The following TNRC6A variants were observed in gnomAD, a reference collection of about 807,000 sequenced individuals.
TNRC6A encodes the protein trinucleotide repeat-containing gene 6A protein.
In TNRC6A, 44 loss-of-function variants were observed where a neutral mutation model predicts 221.2. The ratio of observed to expected loss-of-function variants is 0.20; its 90% CI spans 0.16 to 0.26. TNRC6A has a LOEUF of 0.26. Among genes scored for constraint, TNRC6A ranks in the 10% least tolerant of loss-of-function variants. The pLI is 1.00. For missense variants in TNRC6A, 2,199 were observed against 2,404.4 expected (o/e 0.91, Z 1.79); for synonymous variants, 847 against 838.5 (o/e 1.01, Z -0.18).
intron 2 of TNRC6A, among the ~76,000 whole-genome samples, chr16:24,692,292 C>T (rs956896911): frequency 6.6e-6 from 1 of 152,128 alleles, no homozygotes; most frequent in Non-Finnish European, 1.5e-5. Context: ...AAAGGGAGGC[C>T]GGGAGTGGTG....
intron 1 of TNRC6A, among the ~76,000 whole-genome samples, chr16:24,630,355 G>C (rs904830980): frequency 6.6e-6 from 1 of 152,032 alleles, no homozygotes; most frequent in African/African-American, 2.4e-5. Context: ...GCATCTGGAA[G>C]TGCTATCTTT....
chr16:24,787,275 T>A (rs575714498), intron 5 of TNRC6A, among the ~76,000 whole-genome samples: 1 of 152,354 alleles, frequency 6.6e-6, no homozygotes, highest in South Asian at 2.1e-4. Flanking sequence ...GACTTGAATC[T>A]TGGTGTTTCT....
At chr16:24,781,077 C>T (rs1310911452) in intron 5 of TNRC6A, among the ~76,000 whole-genome samples, 1 of 86,660 alleles carries the variant, frequency 1.2e-5, no homozygotes, top group Non-Finnish European at 1.9e-5. Context: ...TTGGAGGAGA[C>T]AGCGTCTTAC....
chr16:24,632,430 C>A (rs765167392), intron 1 of TNRC6A, among the ~76,000 whole-genome samples: 1 of 152,158 alleles, frequency 6.6e-6, no homozygotes, highest in African/African-American at 2.4e-5. Context: ...TGTCGCCACA[C>A]CCCACACACA....
chr16:24,620,025 C>T (rs1195875151), intron 1 of TNRC6A, among the ~76,000 whole-genome samples: 1 of 151,968 alleles, frequency 6.6e-6, no homozygotes, highest in Non-Finnish European at 1.5e-5. Context: ...ACCTGTAGTG[C>T]CAGCTTCTTG....
intron 2 of TNRC6A, among the ~76,000 whole-genome samples, chr16:24,685,321 T>C (rs554124844): frequency 1.3e-5 from 2 of 151,924 alleles, no homozygotes; most frequent in Admixed American, 6.6e-5. Context: ...TTACCCAAGG[T>C]CATATTGTAT....
At chr16:24,695,486 G>A (rs1469933389) in intron 2 of TNRC6A, among the ~76,000 whole-genome samples, 2 of 152,024 alleles carry the variant, frequency 1.3e-5, no homozygotes, top group African/African-American at 2.4e-5. Flanking sequence ...TGCAACCTCC[G>A]CCTCCTGGGT....
rs563040043 is a variant in TNRC6A at position 24,661,147 on chromosome 16, C to T, written n.402+20138C>T. Among the ~76,000 whole-genome samples, 15 of 152,018 alleles carry T rather than the reference C, an allele frequency of 9.9e-5. 1 individual carries two copies. In the South Asian group the frequency reaches 2.1e-3, roughly 21 times the overall value. On this transcript the variant is annotated intron_variant and non_coding_transcript_variant, in intron 2 of 2. Transcript: ENST00000566108. ...TTTGTTATGTGGATGAATTATGTAG[C>T]GATGAATTCTGAGATTTTAGTGCGC...
intron 2 of TNRC6A, among the ~76,000 whole-genome samples, chr16:24,731,343 C>G (rs1442029291): frequency 6.6e-6 from 1 of 152,118 alleles, no homozygotes; most frequent in Non-Finnish European, 1.5e-5. Flanking sequence ...ATATTTTGCA[C>G]CGCGTAGAAT....
intron 5 of TNRC6A, among the ~76,000 whole-genome samples, chr16:24,780,422 C>G (rs1276665554): frequency 2.0e-5 from 3 of 152,198 alleles, no homozygotes; most frequent in African/African-American, 7.2e-5. Flanking sequence ...ATTATCACCC[C>G]TAAGTAAAAG....
intron 21 of TNRC6A, 73 bp from the exon 22 acceptor site, chr16:24,820,066 G>T (rs926722226): frequency 4.4e-6 from 6 of 1,379,242 alleles, no homozygotes; most frequent in Admixed American, 1.8e-5. Context: ...TGGGAGAATG[G>T]ATGTCATTAT....
rs35502747 is a variant in TNRC6A at position 24,781,043 on chromosome 16, C to CTTTTTT, written c.589+3705_589+3710dup. On this transcript the variant is annotated intron_variant, in intron 5 of 24. Transcript: ENST00000395799. ...AAAAATTTTCTTAAGCCTCCATACT[C>CTTTTTT]TTTTTTTTTTTTTTTTTTTTTTTTT... Among the ~76,000 whole-genome samples, 80 of 53,414 alleles carry CTTTTTT rather than the reference C, an allele frequency of 1.5e-3. 3 individuals carry two copies. The highest frequency in any genetic ancestry group is 1.8e-3 in the South Asian group (2 of 1,082). The allele number at this position is 53,414 out of a possible 152,430, so 35.0% of individuals were successfully genotyped here.
intron 4 of TNRC6A, among the ~76,000 whole-genome samples, chr16:24,760,053 T>G (rs777102108): frequency 2.6e-5 from 4 of 152,190 alleles, no homozygotes; most frequent in Non-Finnish European, 4.4e-5. Flanking sequence ...CCCTCATTAA[T>G]CTAACCTCCC....
At chr16:24,765,423 T>C (rs918545328) in intron 4 of TNRC6A, among the ~76,000 whole-genome samples, 3 of 152,332 alleles carry the variant, frequency 2.0e-5, no homozygotes, top group Admixed American at 6.5e-5. Context: ...CCTGTTTCCA[T>C]CACACAGGTT....
chr16:24,643,095 T>TAA (rs1902062025), intron 2 of TNRC6A, among the ~76,000 whole-genome samples: 1 of 63,796 alleles, frequency 1.6e-5, no homozygotes, highest in Non-Finnish European at 3.2e-5. Flanking sequence ...ATATATATTT[T>TAA]ATATATATAT....
rs113020381 is a variant in TNRC6A at position 24,611,945 on chromosome 16, G to T, written n.276+1461G>T. On this transcript the variant is annotated intron_variant and non_coding_transcript_variant, in intron 1 of 2. Coordinates refer to the TNRC6A transcript ENST00000566108. The stretch of plus-strand genomic sequence containing the variant: ...CCCATCTCTACTAAAAATACAAACA[G>T]TAGCCAAGCATCGTGGTGCACATCT... 3.9e-3 allele frequency among the ~76,000 whole-genome samples: 586 copies of T among 151,874 alleles called. 1 individual carries two copies. The highest frequency in any genetic ancestry group is 0.013 in the African/African-American group (553 of 41,436).
At chr16:24,741,724 T>C (rs1207576344) in intron 2 of TNRC6A, among the ~76,000 whole-genome samples, 2 of 152,248 alleles carry the variant, frequency 1.3e-5, no homozygotes, top group Non-Finnish European at 2.9e-5. Context: ...TATTTTCTAC[T>C]GTATGCACTT....
chr16:24,758,995 G>T (rs924173504), intron 4 of TNRC6A, among the ~76,000 whole-genome samples: 3 of 152,054 alleles, frequency 2.0e-5, no homozygotes, highest in African/African-American at 7.2e-5. Context: ...GCTCTCAGGT[G>T]CTGAACTTAT....
Position 24,665,788 on chromosome 16 carries a change from C to T in TNRC6A, n.402+24779C>T, listed in dbSNP as rs575762344. Among the ~76,000 whole-genome samples the T allele has an allele frequency of 2.0e-5, 3 of 152,242 alleles. No homozygotes were observed. The East Asian group carries it at 5.8e-4, about 29-fold the overall frequency. ...ATCTCCTCTGGTTGAGAACTACTGC[C>T]TTGCAAGAATTATTGAAGTTGTCAC... On this transcript the variant is annotated intron_variant and non_coding_transcript_variant, in intron 2 of 2. Coordinates refer to the TNRC6A transcript ENST00000566108.
Sources: allele counts gnomAD v4.1 joint callset (sites outside exome capture counted in the v4.1 genomes callset), GRCh38; gene constraint gnomAD v4.1.1; transcripts MANE v1.5; gene names NCBI Gene and HGNC (gene_info 2026-07-23, HGNC 2026-07-21).